PAN3: variants seen among roughly 807,000 people sequenced by gnomAD.
PAN3 encodes poly(A) specific ribonuclease subunit PAN3.
A neutral mutation model predicts 96.2 loss-of-function variants in PAN3; 19 were observed. That is an observed-to-expected ratio of 0.20 (90% confidence interval 0.14 to 0.29). PAN3 has a LOEUF of 0.29. Ranked by LOEUF, PAN3 falls within the 10% of genes least tolerant of loss-of-function variation. The pLI is 1.00. For synonymous variants in PAN3, 433 were observed against 406.6 expected (o/e 1.06, Z -0.78); for missense variants, 882 against 1,108.1 (o/e 0.80, Z 2.90).
chr13:28,220,846 G>A (rs1358131937), intron 6 of PAN3, among the ~76,000 whole-genome samples: 1 of 152,030 alleles, frequency 6.6e-6, no homozygotes, highest in Non-Finnish European at 1.5e-5. Flanking sequence ...TGCTATAGTA[G>A]TAATTTTAAA....
chr13:28,147,119 C>T (rs192540225), intron 1 of PAN3, among the ~76,000 whole-genome samples: 7 of 152,344 alleles, frequency 4.6e-5, no homozygotes, highest in Non-Finnish European at 4.4e-5. Context: ...GTTTGTGTCT[C>T]ATTTCAGTAC....
At chr13:28,143,271 C>A (rs1040386615) in intron 1 of PAN3, among the ~76,000 whole-genome samples, 1 of 151,946 alleles carries the variant, frequency 6.6e-6, no homozygotes, top group Admixed American at 6.6e-5. Flanking sequence ...TTTCGTATTT[C>A]TGTTAGTCTT....
intron 7 of PAN3, among the ~76,000 whole-genome samples, chr13:28,258,324 A>G (rs1266177886): frequency 1.3e-5 from 2 of 152,230 alleles, no homozygotes; most frequent in East Asian, 1.9e-4. Context: ...AAAATGAAAG[A>G]ATGAAAAAAT....
chr13:28,200,956 A>G (rs905860229), intron 5 of PAN3, among the ~76,000 whole-genome samples: 3 of 152,164 alleles, frequency 2.0e-5, no homozygotes, highest in Non-Finnish European at 2.9e-5. Context: ...AGGGATCTCC[A>G]TAATTGCCAA....
At chr13:28,290,419 C>T (rs1466571938) in intron 18 of PAN3, among the ~76,000 whole-genome samples, 2 of 152,150 alleles carry the variant, frequency 1.3e-5, no homozygotes, top group Non-Finnish European at 2.9e-5. Flanking sequence ...CGGTGTCTCA[C>T]GCCTGTAATC....
chr13:28,140,060 G>T (rs560679783), intron 1 of PAN3, among the ~76,000 whole-genome samples: 2 of 152,218 alleles, frequency 1.3e-5, no homozygotes, highest in Non-Finnish European at 2.9e-5. Context: ...CGATTCTGTT[G>T]CCTCTGCCTA....
rs537963754 is a variant in PAN3, at chr13:28,243,632, C to T, written c.1001-12660C>T. On this transcript the variant is annotated intron_variant, in intron 6 of 18. Coordinates refer to ENST00000380958, the MANE Select transcript of PAN3 (RefSeq NM_175854.8). ...ACTTTTTTTTTTAATCTATGCCAAT[C>T]TGAGAAGAGGCTAACAGTGAGCCAC... Among the ~76,000 whole-genome samples, 4 of 152,160 alleles carry T rather than the reference C, an allele frequency of 2.6e-5. No homozygotes were observed. The East Asian group carries it at 7.7e-4, about 29-fold the overall frequency.
At chr13:28,195,276 G>T (rs1877896181) in intron 4 of PAN3, among the ~76,000 whole-genome samples, 2 of 152,170 alleles carry the variant, frequency 1.3e-5, no homozygotes, top group South Asian at 4.1e-4. Flanking sequence ...GGTGGCACAT[G>T]CCTGTAGTCC....
chr13:28,205,608 C>T (rs554378241), intron 5 of PAN3, among the ~76,000 whole-genome samples: 82 of 152,096 alleles, frequency 5.4e-4, no homozygotes, highest in Non-Finnish European at 9.7e-4. Flanking sequence ...GAGGCTGAGG[C>T]GGGAGGATTC....
chr13:28,213,707 A>AAC (rs200100786), intron 5 of PAN3, among the ~76,000 whole-genome samples: 23 of 148,984 alleles, frequency 1.5e-4, no homozygotes, highest in Middle Eastern at 3.5e-3. Flanking sequence ...AACAGCAAAA[A>AAC]AAAAAAAAAA....
chr13:28,173,256 GT>G (rs1874532845), intron 1 of PAN3, among the ~76,000 whole-genome samples: 1 of 152,088 alleles, frequency 6.6e-6, no homozygotes, highest in South Asian at 2.1e-4. Context: ...TATTAAAAGG[GT>G]TTGCATTCTT....
intron 1 of PAN3, among the ~76,000 whole-genome samples, chr13:28,148,949 T>C (rs1194141029): frequency 2.0e-5 from 3 of 152,222 alleles, no homozygotes; most frequent in African/African-American, 7.2e-5. Context: ...CACAAAGTTA[T>C]GTTTTAATGT....
chr13:28,160,686 A>T (rs938312361), intron 1 of PAN3, among the ~76,000 whole-genome samples: 1 of 152,234 alleles, frequency 6.6e-6, no homozygotes, highest in African/African-American at 2.4e-5. Flanking sequence ...GTCAATAAGT[A>T]ACACTTGGTA....
intron 6 of PAN3, among the ~76,000 whole-genome samples, chr13:28,243,746 T>G (rs969011966): frequency 1.1e-4 from 17 of 152,162 alleles, no homozygotes; most frequent in Admixed American, 6.6e-5. Context: ...TGGAGTGTAG[T>G]GGCATGATCT....
chr13:28,143,983 A>G (rs1049145205), intron 1 of PAN3, among the ~76,000 whole-genome samples: 8 of 152,140 alleles, frequency 5.3e-5, no homozygotes, highest in Non-Finnish European at 8.8e-5. Context: ...GATAGCTGGC[A>G]TAAGTTTAAA....
upstream of PAN3, chr13:28,138,244 G>C (rs1459283661): frequency 6.6e-6 from 1 of 152,588 alleles, no homozygotes; most frequent in Non-Finnish European, 1.5e-5. Flanking sequence ...AAACAACTCG[G>C]AGGAACCAGA....
At chr13:28,209,688 G>A (rs117113609) in intron 5 of PAN3, among the ~76,000 whole-genome samples, 399 of 152,090 alleles carry the variant, frequency 2.6e-3, no homozygotes, top group Non-Finnish European at 4.8e-3. Context: ...ATGTGAGTTT[G>A]CTAGATCAAG....
intron 8 of PAN3, 97 bp downstream of exon 8, chr13:28,260,648 T>A: frequency 1.0e-6 from 1 of 973,224 alleles, no homozygotes; most frequent in Non-Finnish European, 1.6e-6. Flanking sequence ...TATTATTTAA[T>A]CAAATATGCT....
intron 1 of PAN3, among the ~76,000 whole-genome samples, chr13:28,140,145 T>C (rs1211010019): frequency 6.6e-6 from 1 of 152,154 alleles, no homozygotes; most frequent in Non-Finnish European, 1.5e-5. Flanking sequence ...GATAGTAGTC[T>C]CGTTGTGTTG....
Sources: gnomAD v4.1 joint callset for allele counts (sites outside exome capture counted in the v4.1 genomes callset) on GRCh38, gnomAD v4.1.1 for gene constraint, MANE v1.5 for transcripts, NCBI Gene and HGNC (gene_info 2026-07-23, HGNC 2026-07-21) for gene names.